CAGE1: variants seen among roughly 807,000 people sequenced by gnomAD.
The protein encoded by CAGE1 is cancer-associated gene 1 protein.
CAGE1 carries 66 observed loss-of-function variants against 94.9 expected under a neutral mutation model. The observed-to-expected ratio is 0.70, with a 90% confidence interval of 0.57 to 0.85. CAGE1 has a LOEUF of 0.85. CAGE1 is among the 40% of genes least tolerant of loss of function. The pLI is 0.00. For synonymous variants in CAGE1, 319 were observed against 321.0 expected (o/e 0.99, Z 0.07); for missense variants, 865 against 950.4 (o/e 0.91, Z 1.18).
chr6:7,366,601 C>T (rs768516059), intron 7 of CAGE1, among the ~76,000 whole-genome samples: 2 of 152,152 alleles, frequency 1.3e-5, no homozygotes, highest in African/African-American at 2.4e-5. Flanking sequence ...TAAGAAGCCT[C>T]GCTGGTAGAT....
intron 11 of CAGE1, among the ~76,000 whole-genome samples, chr6:7,348,732 G>A (rs930824299): frequency 1.3e-5 from 2 of 152,050 alleles, no homozygotes; most frequent in Admixed American, 1.3e-4. Flanking sequence ...AAAACTTCAG[G>A]AAACATTGGA....
At chr6:7,331,073 CAT>C in intron 12 of CAGE1, among the ~76,000 whole-genome samples, 1 of 152,260 alleles carries the variant, frequency 6.6e-6, no homozygotes, top group East Asian at 1.9e-4. Flanking sequence ...GGGAAAAAGT[CAT>C]AGTTAACCTA....
chr6:7,343,190 C>CAAA (rs769864903), intron 11 of CAGE1, among the ~76,000 whole-genome samples: 1 of 113,500 alleles, frequency 8.8e-6, no homozygotes. Flanking sequence ...CTCTGTCCCA[C>CAAA]AAAAAAAAAA....
At chr6:7,331,421 G>A in intron 12 of CAGE1, 1 of 609,988 alleles carries the variant, frequency 1.6e-6, no homozygotes, top group Admixed American at 3.1e-5. Context: ...CAATGATAAG[G>A]CTACCAAAGA....
rs767798625 is a variant in CAGE1 at position 7,365,517 on chromosome 6, C to G, written c.2144G>C (p.Gly715Ala). The change falls in exon 9 of 14, where the codon GGA becomes GCA. Residue 715 changes from glycine to alanine, a missense_variant. Physicochemically the swap from Gly to Ala is moderately conservative, Grantham distance 60 (BLOSUM62 0). Transcript: ENST00000502583. ...ACTGTGGTACTTATCCAGTTTGGCT[C>G]CCAGAAGGGTAGGTACATCTCTGAT... ...KSIRDVPTLL[G>A]AKLDKYHSLN... The G allele has an allele frequency of 1.2e-5, 20 of 1,613,298 alleles. No individual in the cohort carries two copies. The highest frequency in any genetic ancestry group is 2.7e-5 in the African/African-American group (2 of 74,902).
At chr6:7,376,474 T>C (rs1760749518) in intron 4 of CAGE1, among the ~76,000 whole-genome samples, 1 of 151,950 alleles carries the variant, frequency 6.6e-6, no homozygotes. Flanking sequence ...TCCCTCGATC[T>C]CACCTTCTTT....
chr6:7,361,846 T>A (rs552843457), intron 9 of CAGE1, among the ~76,000 whole-genome samples: 4 of 152,330 alleles, frequency 2.6e-5, no homozygotes, highest in South Asian at 4.1e-4. Flanking sequence ...TAAGATTCCA[T>A]CTGGCTGGAC....
chr6:7,368,867 G>T, intron 6 of CAGE1, 69 bp from the exon 7 acceptor site: 2 of 854,800 alleles, frequency 2.3e-6, no homozygotes, highest in Non-Finnish European at 3.6e-6. Context: ...CCAAAACTAT[G>T]CATATGAAAC....
intron 12 of CAGE1, chr6:7,331,640 G>T: frequency 4.1e-6 from 1 of 244,984 alleles, no homozygotes; most frequent in South Asian, 8.0e-5. Flanking sequence ...TAGAACTTCA[G>T]AGCGGGGGTG....
In CAGE1 at chr6:7,373,974, T is replaced by G. The variant is rs2876098; in HGVS notation, c.845A>C (p.Glu282Ala). 0.14 allele frequency: 227,161 copies of G among 1,613,878 alleles called. 16,824 individuals are homozygous for G. Among genetic ancestry groups the G allele is most frequent in the Admixed American group, 0.17 (10,372 of 60,010 alleles). ...CTCCCAGTCAGGCATCTCACAGTTC[T>G]CCCGACATGCTTCACTCCTCCAGGA... ...GISWRSEACRENCEMPDWEQS... is the reference protein window; with the variant it reads ...GISWRSEACRANCEMPDWEQS... The change falls in exon 5 of 14, where the codon GAG becomes GCG. Residue 282 changes from glutamate (E) to alanine (A), a missense_variant. By Grantham distance (107) the Glu-to-Ala change is moderately radical. Coordinates refer to ENST00000502583, the MANE Select transcript of CAGE1 (RefSeq NM_001170692.2).
At position 7,365,566 on chromosome 6, in the gene CAGE1, A is replaced by T. The variant is rs772006207; in HGVS notation, c.2095T>A (p.Cys699Ser). ...ATACTCTTGGCTTCATCTGAATCAC[A>T]GTCTATGACCTGAGATTAAATATAT... ...FQDHAIKVIDCDSDEAKSIRD... is the reference protein window; with the variant it reads ...FQDHAIKVIDSDSDEAKSIRD... The change falls in exon 9 of 14, where the codon TGT (cysteine) becomes AGT (serine). Residue 699 changes from cysteine (C) to serine (S), a missense_variant. Physicochemically the swap from Cys to Ser is moderately radical, Grantham distance 112. Transcript: ENST00000502583. 2.5e-6 allele frequency: 4 copies of T among 1,609,878 alleles called. No homozygotes were observed. The highest frequency in any genetic ancestry group is 3.4e-6 in the Non-Finnish European group (4 of 1,176,798).
chr6:7,346,538 G>C (rs1029502920), intron 11 of CAGE1, among the ~76,000 whole-genome samples: 2 of 151,396 alleles, frequency 1.3e-5, no homozygotes, highest in Admixed American at 6.6e-5. Context: ...GACAGAGCCA[G>C]ACCCTGTCTC....
Position 7,341,775 on chromosome 6 carries a change from G to A in CAGE1, c.2370-7685C>T. On this transcript the variant is annotated intron_variant, in intron 11 of 13. Transcript: ENST00000502583. Reference sequence around the variant, plus strand: ...ACAGAACCATGGCCAGTGCAGAGAAGACAGAGCAGCAGCCATTTAGAACAA... The same window carrying A: ...ACAGAACCATGGCCAGTGCAGAGAAAACAGAGCAGCAGCCATTTAGAACAA... 4.4e-6 allele frequency: 3 copies of A among 686,880 alleles called. No individual in the cohort carries two copies. In the East Asian group the frequency reaches 9.7e-5, roughly 22 times the overall value. The allele number at this position is 686,880 out of a possible 1,614,324, so 42.5% of individuals were successfully genotyped here.
rs9505189 is a variant in CAGE1, at chr6:7,385,767, T to C, written c.283+18A>G. 48,522 of 1,461,888 alleles carry C rather than the reference T, an allele frequency of 0.033. 1,248 individuals carry two copies. The highest frequency in any genetic ancestry group is 0.13 in the African/African-American group (9,225 of 69,714). The allele number at this position is 1,461,888 out of a possible 1,614,324, so 90.6% of individuals were successfully genotyped here. On this transcript the variant is annotated intron_variant, in intron 3 of 13. Coordinates refer to ENST00000502583, the MANE Select transcript of CAGE1 (RefSeq NM_001170692.2). ...AAAGTTTCTCTCTTTTGCATATTGC[T>C]AACAAGTAGATACTTACCATTTAAC...
intron 11 of CAGE1, 144 bp downstream of exon 11, chr6:7,354,897 T>C: frequency 1.7e-6 from 1 of 583,984 alleles, no homozygotes; most frequent in Non-Finnish European, 3.0e-6. Context: ...AAGCAGTCTA[T>C]ACCTATATTA....
chr6:7,388,188 ATTT>A (rs1379748232), intron 1 of CAGE1, among the ~76,000 whole-genome samples: 1 of 152,042 alleles, frequency 6.6e-6, no homozygotes, highest in Non-Finnish European at 1.5e-5. Flanking sequence ...GATTCTATAA[ATTT>A]TTGTCCTTCC....
chr6:7,350,170 T>C (rs1482190656), intron 11 of CAGE1, among the ~76,000 whole-genome samples: 1 of 152,060 alleles, frequency 6.6e-6, no homozygotes, highest in Admixed American at 6.6e-5. Flanking sequence ...AAGAGAGACA[T>C]TATATGGTAA....
At chr6:7,377,976 CAGT>C (rs971208353) in intron 4 of CAGE1, among the ~76,000 whole-genome samples, 2 of 152,110 alleles carry the variant, frequency 1.3e-5, no homozygotes, top group African/African-American at 2.4e-5. Flanking sequence ...TTTTGCTTGT[CAGT>C]AGAATTCCAA....
At chr6:7,350,043 TTAAAG>T (rs1237926611) in intron 11 of CAGE1, among the ~76,000 whole-genome samples, 3 of 151,424 alleles carry the variant, frequency 2.0e-5, no homozygotes, top group Admixed American at 6.6e-5. Flanking sequence ...TCACATAAAC[TTAAAG>T]TAAAGGGGTG....
Sources: gnomAD v4.1 joint callset for allele counts (sites outside exome capture counted in the v4.1 genomes callset) on GRCh38, gnomAD v4.1.1 for gene constraint, MANE v1.5 for transcripts, NCBI Gene and HGNC (gene_info 2026-07-23, HGNC 2026-07-21) for gene names.